Variants in HDAC4 observed in about 807,000 individuals in gnomAD.
HDAC4 encodes histone deacetylase A.
A neutral mutation model predicts 135.1 loss-of-function variants in HDAC4; 16 were observed. That is an observed-to-expected ratio of 0.12 (90% CI 0.08 to 0.18). The LOEUF is 0.18. Ranked by LOEUF, HDAC4 falls within the 10% of genes least tolerant of loss-of-function variation. The pLI is 1.00. For synonymous variants in HDAC4, 685 were observed against 653.4 expected, an observed-to-expected ratio of 1.05 and a Z score of -0.74; for missense variants, 1,143 against 1,511.8, an observed-to-expected ratio of 0.76 and a Z score of 4.05.
chr2:239,127,726 C>T (rs1469761023), intron 11 of HDAC4, among the ~76,000 whole-genome samples: 2 of 152,256 alleles, frequency 1.3e-5, no homozygotes, highest in African/African-American at 4.8e-5. Flanking sequence ...CCGCCTGAGG[C>T]AGCCTGCTGT....
Position 239,361,063 on chromosome 2 carries a change from C to T in HDAC4, c.-219-8145G>A, listed in dbSNP as rs556959741. Among the ~76,000 whole-genome samples the T allele has an allele frequency of 2.0e-5, 3 of 152,290 alleles. No homozygotes were observed. The East Asian group carries it at 5.8e-4, about 29-fold the overall frequency. On this transcript the variant is annotated intron_variant, in intron 1 of 26. Transcript: ENST00000543185. ...TCATTCCTGTCACCCTACTTTCTTGCCCTTCCAAGTTCTTTCCTTTTTCTG... is the reference window on the plus strand; with the variant it reads ...TCATTCCTGTCACCCTACTTTCTTGTCCTTCCAAGTTCTTTCCTTTTTCTG...
chr2:239,282,436 C>A (rs192211895), intron 2 of HDAC4, among the ~76,000 whole-genome samples: 2 of 148,678 alleles, frequency 1.3e-5, no homozygotes, highest in Non-Finnish European at 3.0e-5. Context: ...CTACAATGTA[C>A]ACAGCACTCT....
Position 239,189,972 on chromosome 2 carries a change from C to T in HDAC4, c.200G>A (p.Arg67Gln), listed in dbSNP as rs137972289. 66 of 1,608,100 alleles carry T rather than the reference C, an allele frequency of 4.1e-5. No individual in the cohort carries two copies. The African/African-American group carries it at 4.8e-4, about 12-fold the overall frequency. The change falls in exon 4 of 27, where the codon CGG becomes CAG. Residue 67 changes from arginine (R) to glutamine (Q), a missense_variant. Coordinates refer to ENST00000543185, the MANE Select transcript of HDAC4 (RefSeq NM_001378414.1). Reference protein sequence around the residue: ...FSLPVAEPALREQQLQQELLA... With the variant: ...FSLPVAEPALQEQQLQQELLA... ...GAGCTCCTGCTGCAGCTGCTGCTCC[C>T]GCAGGGCCGGCTCTGCCACAGGCAG...
intron 4 of HDAC4, among the ~76,000 whole-genome samples, chr2:239,185,157 T>A (rs902869953): frequency 1.3e-5 from 2 of 151,652 alleles, no homozygotes; most frequent in Admixed American, 1.3e-4. Context: ...CTGTGCCCTA[T>A]GGGAGGAGTG....
intron 1 of HDAC4, among the ~76,000 whole-genome samples, chr2:239,371,947 C>T (rs958429006): frequency 5.9e-5 from 9 of 152,342 alleles, no homozygotes; most frequent in African/African-American, 2.2e-4. Context: ...TTCAACAATG[C>T]CCCACAAACA....
Position 239,206,863 on chromosome 2 carries a change from G to A in HDAC4, c.95-16786C>T, listed in dbSNP as rs73098718. Among the ~76,000 whole-genome samples, 718 of 152,294 alleles carry A rather than the reference G, an allele frequency of 4.7e-3. 2 individuals are homozygous for A. The highest frequency in any genetic ancestry group is 0.014 in the Middle Eastern group (4 of 292). ...AAAAATCTGCTAATAATAAAGAATG[G>A]TTCATCTTGTCTAAATATGTACATC... On this transcript the variant is annotated intron_variant, in intron 3 of 26. Transcript: ENST00000543185.
rs1465013086 is a variant in HDAC4 at position 239,349,512 on chromosome 2, A to G, written c.22+3166T>C. Among the ~76,000 whole-genome samples, 1 of 152,230 alleles carries G rather than the reference A, an allele frequency of 6.6e-6. No individual in the cohort carries two copies. Among genetic ancestry groups the G allele is most frequent in the Admixed American group, 6.5e-5 (1 of 15,282 alleles). ...GTGCATCAGCTGACAAGAAACACAG[A>G]GGAACTTCCCGAAACTAGAGATCTC... On this transcript the variant is annotated intron_variant, in intron 2 of 26. Transcript: ENST00000543185. This position sits in a 1 kb window ranked among gnomAD's most constrained non-coding sequence, Gnocchi z 5.7.
intron 3 of HDAC4, among the ~76,000 whole-genome samples, chr2:239,217,337 C>T (rs763478273): frequency 6.6e-6 from 1 of 152,106 alleles, no homozygotes; most frequent in Admixed American, 6.5e-5. Context: ...TAAAATTCCT[C>T]GCATTTTAAA....
At chr2:239,102,676 G>A (rs1325834293) in intron 16 of HDAC4, 100 bp downstream of exon 16, 33 of 1,392,294 alleles carry the variant, frequency 2.4e-5, no homozygotes, top group Middle Eastern at 1.8e-4. Flanking sequence ...CCTGGCAGGC[G>A]ACACCCACAG....
rs139690899 is a variant in HDAC4 at position 239,356,208 on chromosome 2, G to A, written c.-219-3290C>T. Among the ~76,000 whole-genome samples, 6 of 152,202 alleles carry A rather than the reference G, an allele frequency of 3.9e-5. No homozygotes were observed. In the East Asian group the frequency reaches 1.2e-3, roughly 29 times the overall value. The stretch of plus-strand genomic sequence containing the variant: ...ATCAATGAAAAGTCCAGTAAACATA[G>A]AAATTTACCTTTTAAAAAGGTGAAA... On this transcript the variant is annotated intron_variant, in intron 1 of 26. Coordinates refer to ENST00000543185, the MANE Select transcript of HDAC4 (RefSeq NM_001378414.1).
chr2:239,062,759 C>G (rs2032945027), intron 24 of HDAC4, among the ~76,000 whole-genome samples: 1 of 152,336 alleles, frequency 6.6e-6, no homozygotes, highest in East Asian at 1.9e-4. Flanking sequence ...TTTTATCCAG[C>G]CTGTCGCTGG....
chr2:239,250,116 C>A (rs2048700761), intron 2 of HDAC4, among the ~76,000 whole-genome samples: 1 of 152,268 alleles, frequency 6.6e-6, no homozygotes, highest in African/African-American at 2.4e-5. Flanking sequence ...TACCCCGCTC[C>A]ACATCTCCTA....
chr2:239,142,953 C>T (rs1034642133), intron 8 of HDAC4, among the ~76,000 whole-genome samples: 3 of 150,586 alleles, frequency 2.0e-5, no homozygotes, highest in Admixed American at 1.3e-4. Flanking sequence ...CTGATCACGC[C>T]CTGTGACGCA....
At chr2:239,197,551 T>C (rs2045473499) in intron 3 of HDAC4, among the ~76,000 whole-genome samples, 1 of 152,188 alleles carries the variant, frequency 6.6e-6, no homozygotes, top group African/African-American at 2.4e-5. Flanking sequence ...CTGGAACTTC[T>C]ACCCCTTGAG....
chr2:239,157,687 G>A (rs977843882), intron 6 of HDAC4, among the ~76,000 whole-genome samples: 2 of 152,206 alleles, frequency 1.3e-5, no homozygotes, highest in Non-Finnish European at 2.9e-5. Flanking sequence ...CAAATTTGCC[G>A]ACTTACTTAT....
At chr2:239,090,839 A>G (rs1206722692) in intron 17 of HDAC4, among the ~76,000 whole-genome samples, 1 of 152,200 alleles carries the variant, frequency 6.6e-6, no homozygotes, top group East Asian at 1.9e-4. Flanking sequence ...GATAAGGGAT[A>G]GTCGACCTGT....
intron 2 of HDAC4, among the ~76,000 whole-genome samples, chr2:239,286,874 TAG>T (rs755923730): frequency 1.5e-4 from 23 of 152,044 alleles, no homozygotes; most frequent in Non-Finnish European, 1.6e-4. Flanking sequence ...GTTGGTGAAA[TAG>T]AGACATTTTC....
chr2:239,083,093 A>G (rs1425609079), intron 20 of HDAC4, among the ~76,000 whole-genome samples: 1 of 152,252 alleles, frequency 6.6e-6, no homozygotes, highest in African/African-American at 2.4e-5. Context: ...GAAGACGCAC[A>G]TGGAGGCTTT....
At chr2:239,075,072 A>G (rs1451378773) in intron 22 of HDAC4, among the ~76,000 whole-genome samples, 1 of 151,768 alleles carries the variant, frequency 6.6e-6, no homozygotes, top group Non-Finnish European at 1.5e-5. Context: ...AAAATACAAA[A>G]AGTTAGCTGG....
Sources: allele counts gnomAD v4.1 joint callset (sites outside exome capture counted in the v4.1 genomes callset), GRCh38; gene constraint gnomAD v4.1.1; non-coding constraint Gnocchi (gnomAD v3.1); transcripts MANE v1.5; gene names NCBI Gene and HGNC (gene_info 2026-07-23, HGNC 2026-07-21).